Variants in DCAF10 observed in about 807,000 individuals in gnomAD.
The protein encoded by DCAF10 is DDB1- and CUL4-associated factor 10.
In DCAF10, 19 loss-of-function variants were observed where a neutral mutation model predicts 51.9. That is an observed-to-expected ratio of 0.37 (90% CI 0.26 to 0.54). DCAF10 has a LOEUF of 0.54. DCAF10 is among the 20% of genes least tolerant of loss of function. The pLI is 0.87. For missense variants in DCAF10, 510 were observed against 730.6 expected (o/e 0.70, Z 3.48); for synonymous variants, 291 against 297.1 (o/e 0.98, Z 0.21).
At chr9:37,812,349 T>G (rs768884830) in intron 1 of DCAF10, among the ~76,000 whole-genome samples, 1 of 151,934 alleles carries the variant, frequency 6.6e-6, no homozygotes. Flanking sequence ...AAATAAAACA[T>G]ACATGCACAA....
At chr9:37,860,540 T>C (rs1830984884) in intron 6 of DCAF10, 1 of 202,560 alleles carries the variant, frequency 4.9e-6, no homozygotes, top group Non-Finnish European at 1.0e-5. Context: ...ATAATAAACA[T>C]AGGTCTGAAA....
chr9:37,860,508 C>A (rs1830983292), intron 6 of DCAF10: 1 of 241,442 alleles, frequency 4.1e-6, no homozygotes, highest in Non-Finnish European at 8.0e-6. Flanking sequence ...AACAAACAAA[C>A]AAACAAACAA....
Position 37,865,538 on chromosome 9 carries a change from G to A in DCAF10, c.*4030G>A, listed in dbSNP as rs1831119597. 2 of 152,142 alleles carry A rather than the reference G, an allele frequency of 1.3e-5. No homozygotes were observed. The highest frequency in any genetic ancestry group is 4.8e-5 in the African/African-American group (2 of 41,434). 9.4% of individuals were successfully genotyped at this position (152,142 alleles called of 1,614,324 possible). On this transcript the variant is annotated 3_prime_UTR_variant, in exon 7 of 7. Transcript: ENST00000377724. ...TTCATAATTCATGATAATTGGTAAT[G>A]TAGTATAATTGTTAGTAAATGCAGT...
chr9:37,848,638 T>C (rs1400588954), intron 3 of DCAF10, among the ~76,000 whole-genome samples: 1 of 152,086 alleles, frequency 6.6e-6, no homozygotes, highest in Non-Finnish European at 1.5e-5. Context: ...AAAACTGGAT[T>C]GTGTTGATGA....
chr9:37,806,562 GCAGT>G (rs1829120763), intron 1 of DCAF10, among the ~76,000 whole-genome samples: 1 of 152,202 alleles, frequency 6.6e-6, no homozygotes, highest in Non-Finnish European at 1.5e-5. Flanking sequence ...AGAAAGAAGA[GCAGT>G]CAAATGAGAG....
At chr9:37,837,254 A>G (rs1830192397) in intron 2 of DCAF10, among the ~76,000 whole-genome samples, 1 of 151,990 alleles carries the variant, frequency 6.6e-6, no homozygotes, top group African/African-American at 2.4e-5. Flanking sequence ...AGGTCAGGAG[A>G]TGGAGACCAT....
intron 2 of DCAF10, among the ~76,000 whole-genome samples, chr9:37,834,286 A>G (rs1429098578): frequency 6.6e-6 from 1 of 152,134 alleles, no homozygotes; most frequent in South Asian, 2.1e-4. Context: ...CCAATATCAA[A>G]GTTTTTAATA....
chr9:37,852,811 G>A (rs1003865684), intron 3 of DCAF10, among the ~76,000 whole-genome samples: 5 of 151,068 alleles, frequency 3.3e-5, no homozygotes, highest in African/African-American at 1.2e-4. Flanking sequence ...CTTGGGAGAT[G>A]TATATTGTAC....
At position 37,840,137 on chromosome 9, in the gene DCAF10, A is replaced by G. The variant is rs1830289295; in HGVS notation, c.654-1952A>G. Among the ~76,000 whole-genome samples the G allele has an allele frequency of 2.0e-5, 3 of 152,226 alleles. No homozygotes were observed. The South Asian group carries it at 6.2e-4, about 32-fold the overall frequency. The stretch of plus-strand genomic sequence containing the variant: ...ATACAGTTATATGCCACATAACAAC[A>G]TTTCAGTGAGTGACACCATATACAA... On this transcript the variant is annotated intron_variant, in intron 2 of 6. Coordinates refer to ENST00000377724, the MANE Select transcript of DCAF10 (RefSeq NM_024345.5).
intron 2 of DCAF10, among the ~76,000 whole-genome samples, chr9:37,825,618 T>C (rs1405816846): frequency 6.6e-6 from 1 of 152,266 alleles, no homozygotes; most frequent in East Asian, 1.9e-4. Context: ...AAATAACTAA[T>C]GAGTACTAGG....
chr9:37,816,659 G>GGGGGGGGTGTGTGT (rs372664140), intron 1 of DCAF10, among the ~76,000 whole-genome samples: 1 of 144,984 alleles, frequency 6.9e-6, no homozygotes, highest in South Asian at 2.2e-4. Flanking sequence ...CTGCACCTGG[G>GGGGGGGGTGTGTGT]GTGTGTGTGT....
intron 2 of DCAF10, among the ~76,000 whole-genome samples, chr9:37,831,651 T>A (rs866989099): frequency 6.6e-6 from 1 of 152,220 alleles, no homozygotes; most frequent in African/African-American, 2.4e-5. Flanking sequence ...ATAAAAAACA[T>A]TGGTAGTTAC....
At chr9:37,819,428 T>C in intron 2 of DCAF10, 27 bp downstream of exon 2, 1 of 1,563,374 alleles carries the variant, frequency 6.4e-7, no homozygotes, top group Non-Finnish European at 8.8e-7. Context: ...AAAAGTGAAC[T>C]TTATCAGTGT....
chr9:37,843,632 CAT>C lies in DCAF10; in HGVS notation c.851+1350_851+1351del, dbSNP rs140972732. 7.4e-3 allele frequency among the ~76,000 whole-genome samples: 1,126 copies of C among 152,204 alleles called. 18 individuals carry two copies. Among genetic ancestry groups the C allele is most frequent in the African/African-American group, 0.026 (1,073 of 41,528 alleles). ...GTAAATTAGGAAGCACAAAACTAGT[CAT>C]ATACTGCAACTAAAAAGTTGGAGAA... On this transcript the variant is annotated intron_variant, in intron 3 of 6. Coordinates refer to ENST00000377724, the MANE Select transcript of DCAF10 (RefSeq NM_024345.5).
intron 1 of DCAF10, among the ~76,000 whole-genome samples, chr9:37,809,207 G>A (rs982068250): frequency 6.6e-6 from 1 of 151,830 alleles, no homozygotes; most frequent in African/African-American, 2.4e-5. Context: ...AGAACTAAAT[G>A]ATAATGAAAT....
intron 3 of DCAF10, among the ~76,000 whole-genome samples, chr9:37,854,097 A>G (rs1587128509): frequency 6.9e-6 from 1 of 145,102 alleles, no homozygotes; most frequent in Admixed American, 6.9e-5. Flanking sequence ...TGAAGTTTCA[A>G]TTTTTTTTTT....
At chr9:37,851,393 T>C (rs1255099775) in intron 3 of DCAF10, among the ~76,000 whole-genome samples, 2 of 152,022 alleles carry the variant, frequency 1.3e-5, no homozygotes, top group African/African-American at 2.4e-5. Context: ...GTTGCCCGTG[T>C]TGGTCTCTAA....
At chr9:37,844,243 G>A (rs111365862) in intron 3 of DCAF10, among the ~76,000 whole-genome samples, 22,276 of 152,218 alleles carry the variant, frequency 0.15, 1,718 homozygotes, top group Non-Finnish European at 0.16. Context: ...AAAATGGGCC[G>A]GGCATGGTGG....
chr9:37,830,953 T>A (rs1339114503), intron 2 of DCAF10, among the ~76,000 whole-genome samples: 2 of 152,234 alleles, frequency 1.3e-5, no homozygotes, highest in East Asian at 3.8e-4. Flanking sequence ...CTGGGCGCAG[T>A]GGCTCATGCC....
Sources: gnomAD v4.1 joint callset for allele counts (sites outside exome capture counted in the v4.1 genomes callset) on GRCh38, gnomAD v4.1.1 for gene constraint, MANE v1.5 for transcripts, NCBI Gene and HGNC (gene_info 2026-07-23, HGNC 2026-07-21) for gene names.